PLXNB2: variants seen among roughly 807,000 people sequenced by gnomAD.
PLXNB2 encodes plexin-B2.
PLXNB2 carries 85 observed loss-of-function variants against 202.6 expected under a neutral mutation model. The observed-to-expected ratio is 0.42, with a 90% CI of 0.35 to 0.50. The LOEUF (loss-of-function observed/expected upper bound fraction) is 0.50. Ranked by LOEUF, PLXNB2 falls within the 20% of genes least tolerant of loss-of-function variation. The probability of loss-of-function intolerance (pLI) is 0.02; values close to 1 mark genes in which losing one functional copy is unlikely to be tolerated. For synonymous variants in PLXNB2, 1,239 were observed against 1,137.6 expected (o/e 1.09, Z -1.79); for missense variants, 2,063 against 2,586.2 (o/e 0.80, Z 4.39).
At chr22:50,298,232 C>T (rs1382658666) in intron 1 of PLXNB2, among the ~76,000 whole-genome samples, 3 of 152,224 alleles carry the variant, frequency 2.0e-5, no homozygotes, top group South Asian at 2.1e-4. Flanking sequence ...AGGGTCTCCT[C>T]CCCCAACCAG....
chr22:50,296,590 C>CAAAAA (rs34197202), intron 1 of PLXNB2, among the ~76,000 whole-genome samples: 3 of 56,452 alleles, frequency 5.3e-5, no homozygotes, highest in African/African-American at 7.0e-5. Context: ...GACTCTGTCT[C>CAAAAA]AAAAAAAAAA....
At position 50,283,162 on chromosome 22, in the gene PLXNB2, G is replaced by A; in HGVS notation, c.2704C>T (p.Pro902Ser). ...FQQPKPLSVE[P>S]QQGPQAGGTT... ...CCGCCCGCCTGCGGTCCCTGCTGCG[G>A]CTCCACACTGAGAGGCTTGGGCTGC... Residue 902 changes from proline (P) to serine (S), a missense_variant, in exon 17 of 37, where the codon CCG (proline) becomes TCG (serine). Pro to Ser is a moderately conservative substitution (Grantham distance 74). Transcript: ENST00000359337. The A allele has an allele frequency of 6.3e-7, 1 of 1,598,712 alleles. No homozygotes were observed.
intron 11 of PLXNB2, among the ~76,000 whole-genome samples, chr22:50,285,179 G>A (rs28564290): frequency 0.18 from 26,907 of 146,978 alleles, 3,212 homozygotes; most frequent in Non-Finnish European, 0.26. Flanking sequence ...CCCTCCCTCC[G>A]TACCTTAGCC....
Position 50,284,319 on chromosome 22 carries a change from A to G in PLXNB2, c.2182-106T>C, listed in dbSNP as rs965380747. On this transcript the variant is annotated intron_variant, in intron 12 of 36. Coordinates refer to ENST00000359337, the MANE Select transcript of PLXNB2 (RefSeq NM_012401.4). This position sits in a 1 kb window ranked among gnomAD's most constrained non-coding sequence, Gnocchi z 8.0. The stretch of plus-strand genomic sequence containing the variant: ...GTGGCCACCGGGTCCCTTCCCAGCC[A>G]AGGGCAGCAGGGGAGGCCTTCAGGT... The G allele has an allele frequency of 1.8e-6, 2 of 1,104,836 alleles. No individual in the cohort carries two copies. Among genetic ancestry groups the G allele is most frequent in the Non-Finnish European group, 2.7e-6 (2 of 729,896 alleles). The allele number at this position is 1,104,836 out of a possible 1,614,324, so 68.4% of individuals were successfully genotyped here.
chr22:50,283,316 TCCCCGAGG>T lies in PLXNB2; in HGVS notation c.2679+13_2679+20del. The T allele has an allele frequency of 6.2e-7, 1 of 1,608,864 alleles. No individual in the cohort carries two copies. Among genetic ancestry groups the T allele is most frequent in the Non-Finnish European group, 8.5e-7 (1 of 1,177,434 alleles). On this transcript the variant is annotated intron_variant, in intron 16 of 36. Transcript: ENST00000359337. ...TCCCGGTCCTCCCGGGTTCGGCAGG[TCCCCGAGG>T]CCGGGTGCTTACTTGGAAGGTGAAC...
Position 50,281,615 on chromosome 22 carries a change from G to T in PLXNB2, c.3473C>A (p.Pro1158His). 6.2e-7 allele frequency: 1 copy of T among 1,609,596 alleles called. No homozygotes were observed. Among genetic ancestry groups the T allele is most frequent in the Non-Finnish European group, 8.5e-7 (1 of 1,177,842 alleles). ...YCEPPEVQPPPKRRQKRDTTH... is the reference protein window; with the variant it reads ...YCEPPEVQPPHKRRQKRDTTH... ...GGTGTCTCGTTTCTGCCGCCGCTTG[G>T]GCGGGGGCTGCACCTCCGGGGGCTC... Residue 1158 changes from proline to histidine, a missense_variant, in exon 21 of 37, where the codon CCC (proline) becomes CAC (histidine). Coordinates refer to ENST00000359337, the MANE Select transcript of PLXNB2 (RefSeq NM_012401.4).
Position 50,284,345 on chromosome 22 carries a change from G to A in PLXNB2, c.2182-132C>T. 1.1e-6 allele frequency: 1 copy of A among 910,224 alleles called. No homozygotes were observed. 56.4% of individuals were successfully genotyped at this position (910,224 alleles called of 1,614,324 possible). ...AGGGCAGCAGGGGAGGCCTTCAGGT[G>A]TCGGAAGTTCGGGAACCCCATGGAC... is the stretch of plus-strand genomic sequence containing the variant. On this transcript the variant is annotated intron_variant, in intron 12 of 36. Transcript: ENST00000359337. This position sits in a 1 kb window ranked among gnomAD's most constrained non-coding sequence, Gnocchi z 8.0.
intron 18 of PLXNB2, 179 bp from the exon 19 acceptor site, chr22:50,282,492 G>A (rs977269036): frequency 1.1e-5 from 8 of 721,994 alleles, no homozygotes; most frequent in Admixed American, 3.0e-5. Flanking sequence ...TGCCGCAAGT[G>A]GGCGGGGGGC....
At chr22:50,283,508 CA>C in intron 15 of PLXNB2, 63 bp from the exon 16 acceptor site, 12 of 1,455,884 alleles carry the variant, frequency 8.2e-6, no homozygotes, top group Non-Finnish European at 1.0e-5. Flanking sequence ...CTGACACCCT[CA>C]CCCCCTCAGC....
At position 50,290,590 on chromosome 22, in the gene PLXNB2, C is replaced by T. The variant is rs1213115902; in HGVS notation, c.-6G>A. 3 of 1,595,464 alleles carry T rather than the reference C, an allele frequency of 1.9e-6. No individual in the cohort carries two copies. The highest frequency in any genetic ancestry group is 1.3e-5 in the African/African-American group (1 of 74,606). ...GCCCAGAGCTGCAGTGCCATTGCCC[C>T]CCGCACCCTGTGGGAAGAGAGAAGG... is the stretch of plus-strand genomic sequence containing the variant. On this transcript the variant is annotated 5_prime_UTR_variant, in exon 3 of 37. Transcript: ENST00000359337.
In PLXNB2 at chr22:50,275,815, G is replaced by T. The variant is rs201524381; in HGVS notation, c.5413-7C>A. 1 of 1,610,060 alleles carries T rather than the reference G, an allele frequency of 6.2e-7. No homozygotes were observed. Among genetic ancestry groups the T allele is most frequent in the Non-Finnish European group, 8.5e-7 (1 of 1,177,680 alleles). On this transcript the variant is annotated splice_region_variant and splice_polypyrimidine_tract_variant and intron_variant, in intron 36 of 36. Transcript: ENST00000359337. ...CCTCCAAGGCATTGATGATCTGAGGGAGGGTCGCATCAGAGCACACCGGGG... is the reference window on the plus strand; with the variant it reads ...CCTCCAAGGCATTGATGATCTGAGGTAGGGTCGCATCAGAGCACACCGGGG...
intron 1 of PLXNB2, among the ~76,000 whole-genome samples, chr22:50,306,785 C>T (rs1043268491): frequency 2.6e-5 from 4 of 152,232 alleles, no homozygotes; most frequent in Non-Finnish European, 4.4e-5. Context: ...CCCCTTTCTT[C>T]CTTTCCCAGG....
rs760487839 is a variant in PLXNB2 at position 50,286,116 on chromosome 22, C to G, written c.1878-18G>C. On this transcript the variant is annotated intron_variant, in intron 9 of 36. Transcript: ENST00000359337. ...AGATGCACCTGCATCCAGAGGGGAT[C>G]GTGAGCAGGGCTGGGGTGGACGGGC... 135 of 1,611,656 alleles carry G rather than the reference C, an allele frequency of 8.4e-5. No individual in the cohort carries two copies. The highest frequency in any genetic ancestry group is 4.0e-4 in the Admixed American group (24 of 60,006).
chr22:50,293,086 C>T (rs1190304563), intron 2 of PLXNB2, among the ~76,000 whole-genome samples: 2 of 152,188 alleles, frequency 1.3e-5, no homozygotes, highest in African/African-American at 4.8e-5. Context: ...CCAGGCTTCA[C>T]CAGGATAGGG....
Position 50,283,902 on chromosome 22 carries a change from GC to G in PLXNB2, c.2351del (p.Gly784AlafsTer78). On this transcript the variant is annotated frameshift_variant, in exon 14 of 37. Transcript: ENST00000359337. LOFTEE classifies it high-confidence loss of function. ...NPDYRCAWCG[G>X]QSRCVYEALC... is the part of the protein sequence containing the mutation. The stretch of plus-strand genomic sequence containing the variant: ...GGGCCTCATACACGCACCTGCTCTG[GC>G]CCCCGCACCACGCACACCTGTAGTC... 1 of 1,587,916 alleles carries G rather than the reference GC, an allele frequency of 6.3e-7. No homozygotes were observed. Among genetic ancestry groups the G allele is most frequent in the Admixed American group, 1.8e-5 (1 of 55,814 alleles).
In PLXNB2 at chr22:50,281,369, T is replaced by C; in HGVS notation, c.3653A>G (p.Tyr1218Cys). The stretch of plus-strand genomic sequence containing the variant: ...CGGGGGGCGGGCTCACCAGTAGCAG[T>C]AGACAGACACCGCGATGACGACCAC... ...PMVVVIAVSVYCYWRKSQQAE... is the reference protein window; with the variant it reads ...PMVVVIAVSVCCYWRKSQQAE... The change falls in exon 22 of 37, where the codon TAC (tyrosine) becomes TGC (cysteine). Residue 1218 changes from tyrosine to cysteine, a missense_variant. Physicochemically the swap from Tyr to Cys is radical, Grantham distance 194. Coordinates refer to ENST00000359337, the MANE Select transcript of PLXNB2 (RefSeq NM_012401.4). 1.2e-6 allele frequency: 2 copies of C among 1,612,006 alleles called. No individual in the cohort carries two copies. Among genetic ancestry groups the C allele is most frequent in the Non-Finnish European group, 8.5e-7 (1 of 1,179,710 alleles).
At position 50,297,456 on chromosome 22, in the gene PLXNB2, G is replaced by T. The variant is rs756048769; in HGVS notation, c.-73-2678C>A. Among the ~76,000 whole-genome samples, 1 of 152,226 alleles carries T rather than the reference G, an allele frequency of 6.6e-6. No homozygotes were observed. Among genetic ancestry groups the T allele is most frequent in the South Asian group, 2.1e-4 (1 of 4,824 alleles). The stretch of plus-strand genomic sequence containing the variant: ...GCCGTCCTCTTCCCTGGCCCTCACC[G>T]TGGAGAACGGCCATGGATTTCCCCT... On this transcript the variant is annotated intron_variant, in intron 1 of 36. Transcript: ENST00000359337. The surrounding 1 kb of genome is among the most constrained non-coding windows in gnomAD (Gnocchi z 5.3).
At chr22:50,295,289 C>T (rs1389107471) in intron 1 of PLXNB2, among the ~76,000 whole-genome samples, 1 of 149,160 alleles carries the variant, frequency 6.7e-6, no homozygotes, top group African/African-American at 2.5e-5. Context: ...CCACTACACT[C>T]CAGCCTGACT....
chr22:50,300,222 G>C (rs911449394), intron 1 of PLXNB2: 1 of 960,476 alleles, frequency 1.0e-6, no homozygotes, highest in African/African-American at 1.8e-5. Flanking sequence ...TAACAATGAC[G>C]GCGGCGGCGA....
Sources: allele counts gnomAD v4.1 joint callset (sites outside exome capture counted in the v4.1 genomes callset), GRCh38; gene constraint gnomAD v4.1.1; non-coding constraint Gnocchi (gnomAD v3.1); transcripts MANE v1.5; gene names NCBI Gene and HGNC (gene_info 2026-07-23, HGNC 2026-07-21).